CSPP1: variants seen among roughly 807,000 people sequenced by gnomAD.
The protein encoded by CSPP1 is centrosome and spindle pole-associated protein 1.
Under a neutral mutation model 164.4 loss-of-function variants are expected in CSPP1, and 126 were observed. The ratio of observed to expected loss-of-function variants is 0.77; its 90% CI spans 0.66 to 0.89. CSPP1 has a LOEUF of 0.89. Ranked by LOEUF, CSPP1 falls within the 40% of genes least tolerant of loss-of-function variation. The pLI, the probability that CSPP1 is intolerant of heterozygous loss-of-function variation, is 0.00. For missense variants in CSPP1, 1,395 were observed against 1,449.8 expected (o/e 0.96, Z 0.61); for synonymous variants, 472 against 476.7 (o/e 0.99, Z 0.13).
chr8:67,181,644 T>A lies in CSPP1; in HGVS notation c.3220+1718T>A, dbSNP rs200258954. Among the ~76,000 whole-genome samples the A allele has an allele frequency of 4.5e-4, 68 of 152,306 alleles. 1 individual carries two copies. In the East Asian group the frequency reaches 0.012, roughly 28 times the overall value. On this transcript the variant is annotated intron_variant, in intron 28 of 30. Transcript: ENST00000678616. The stretch of plus-strand genomic sequence containing the variant: ...ATGTAAAGCTGATGGTTTCAGTGCA[T>A]TATTTTAAAAAATAGGGTTTTTAAA...
At position 67,113,278 on chromosome 8, in the gene CSPP1, G is replaced by A. The variant is rs1052239834; in HGVS notation, c.1188-527G>A. On this transcript the variant is annotated intron_variant, in intron 10 of 30. Transcript: ENST00000678616. Reference sequence around the variant, plus strand: ...ACAAAAACAACAACAACAAAATTAGGAATAGAGATCTCGTTTTGAGAGAAT... The same window carrying A: ...ACAAAAACAACAACAACAAAATTAGAAATAGAGATCTCGTTTTGAGAGAAT... Among the ~76,000 whole-genome samples, 6 of 151,906 alleles carry A rather than the reference G, an allele frequency of 3.9e-5. 1 individual carries two copies. In the South Asian group the frequency reaches 1.0e-3, roughly 26 times the overall value.
chr8:67,115,261 AC>A (rs1817695621), intron 12 of CSPP1: 1 of 152,252 alleles, frequency 6.6e-6, no homozygotes, highest in Non-Finnish European at 1.5e-5. Context: ...AAAGAATACT[AC>A]AGGTATATTT....
intron 15 of CSPP1, among the ~76,000 whole-genome samples, chr8:67,121,025 T>C (rs1468854535): frequency 2.6e-5 from 4 of 152,164 alleles, no homozygotes; most frequent in African/African-American, 9.6e-5. Flanking sequence ...GGCTAAGTTT[T>C]TGTATCTTTA....
At chr8:67,065,633 TTTTG>T (rs1192961761) in intron 1 of CSPP1, 14 of 430,292 alleles carry the variant, frequency 3.3e-5, no homozygotes, top group African/African-American at 1.3e-4. Context: ...GATCAAGTTT[TTTTG>T]TTTGTTTGTT....
intron 17 of CSPP1, among the ~76,000 whole-genome samples, chr8:67,140,221 TTTA>T (rs1341864565): frequency 6.6e-6 from 1 of 152,008 alleles, no homozygotes; most frequent in Non-Finnish European, 1.5e-5. Context: ...GTAACTGGGA[TTTA>T]TAGGCATGCA....
At chr8:67,181,391 A>C (rs1416279414) in intron 28 of CSPP1, among the ~76,000 whole-genome samples, 2 of 140,684 alleles carry the variant, frequency 1.4e-5, no homozygotes, top group Non-Finnish European at 1.5e-5. Context: ...AGGAAGATGC[A>C]CTGCGGAGAG....
chr8:67,078,236 A>G (rs1808362987), intron 3 of CSPP1, among the ~76,000 whole-genome samples: 1 of 152,134 alleles, frequency 6.6e-6, no homozygotes, highest in Admixed American at 6.6e-5. Flanking sequence ...TTGTTTCCTT[A>G]TCTTATGACA....
At chr8:67,159,961 CTTTTCTTTTCTTTTCTT>C (rs1421369815) in intron 21 of CSPP1, among the ~76,000 whole-genome samples, 8 of 29,256 alleles carry the variant, frequency 2.7e-4, no homozygotes, top group South Asian at 1.4e-3. Flanking sequence ...TTCCTTCTTT[CTTTTCTTTTCTTTTCTT>C]TTCTTTTCTT....
At chr8:67,191,513 G>T (rs764304936) in intron 29 of CSPP1, among the ~76,000 whole-genome samples, 1 of 152,128 alleles carries the variant, frequency 6.6e-6, no homozygotes, top group African/African-American at 2.4e-5. Flanking sequence ...TGGACATTTC[G>T]TATAAATGAG....
intron 5 of CSPP1, among the ~76,000 whole-genome samples, chr8:67,092,548 C>T (rs973974132): frequency 3.3e-5 from 5 of 152,194 alleles, no homozygotes; most frequent in Admixed American, 6.5e-5. Context: ...AGCGATTCTC[C>T]TGCATCAGCC....
At chr8:67,192,853 C>T (rs1484346953) in intron 29 of CSPP1, among the ~76,000 whole-genome samples, 3 of 152,198 alleles carry the variant, frequency 2.0e-5, no homozygotes, top group African/African-American at 7.2e-5. Context: ...ATCTACATGT[C>T]TTTTCTTATG....
At position 67,137,550 on chromosome 8, in the gene CSPP1, G is replaced by T. The variant is rs752708929; in HGVS notation, c.1922G>T (p.Trp641Leu). The T allele has an allele frequency of 2.5e-6, 4 of 1,595,088 alleles. No homozygotes were observed. The highest frequency in any genetic ancestry group is 3.4e-6 in the Non-Finnish European group (4 of 1,170,392). Residue 641 changes from tryptophan to leucine, a missense_variant, in exon 17 of 31, where the codon TGG becomes TTG. Coordinates refer to ENST00000678616, the MANE Select transcript of CSPP1 (RefSeq NM_001382391.1). ...GCTGAAATGAGAACATATAATCCCTGGGGAAAAGGTGGAGGTGGTGCTCCT... is the reference window on the plus strand; with the variant it reads ...GCTGAAATGAGAACATATAATCCCTTGGGAAAAGGTGGAGGTGGTGCTCCT... ...LEAEMRTYNPWGKGGGGAPLR... is the reference protein window; with the variant it reads ...LEAEMRTYNPLGKGGGGAPLR...
rs201929318 is a variant in CSPP1, at chr8:67,071,871, CACTT to C, written c.-10-2369_-10-2366del. On this transcript the variant is annotated intron_variant, in intron 1 of 30. Transcript: ENST00000678616. ...CATATGCAAAAAAGTTGAGCCTTGA[CACTT>C]ACAGATTTGCAAAAATTAACTTTGA... Among the ~76,000 whole-genome samples, 1,134 of 152,276 alleles carry C rather than the reference CACTT, an allele frequency of 7.4e-3. 45 individuals carry two copies. Among genetic ancestry groups the C allele is most frequent in the East Asian group, 8.1e-3 (42 of 5,192 alleles).
chr8:67,121,196 G>C (rs1266571217), intron 15 of CSPP1, among the ~76,000 whole-genome samples: 1 of 152,088 alleles, frequency 6.6e-6, no homozygotes, highest in East Asian at 1.9e-4. Context: ...ACCCTGACTA[G>C]AGCTTCCAGT....
rs551186036 is a variant in CSPP1, at chr8:67,137,683, G to C, written c.1975+80G>C. The C allele has an allele frequency of 8.0e-5, 75 of 934,300 alleles. No individual in the cohort carries two copies. The African/African-American group carries it at 1.0e-3, about 13-fold the overall frequency. The allele number at this position is 934,300 out of a possible 1,614,324, so 57.9% of individuals were successfully genotyped here. ...TTAAAAGATTGGGGAGTAGAAAAAA[G>C]TAGGAATCATAGCCTCTATAGCAAC... On this transcript the variant is annotated intron_variant, in intron 17 of 30. Transcript: ENST00000678616.
chr8:67,192,615 T>C (rs1033972135), intron 29 of CSPP1, among the ~76,000 whole-genome samples: 1 of 152,194 alleles, frequency 6.6e-6, no homozygotes, highest in Non-Finnish European at 1.5e-5. Flanking sequence ...AACCACAAGA[T>C]CATGAAGATT....
At chr8:67,186,417 TTAAA>T (rs1834594637) in intron 28 of CSPP1, among the ~76,000 whole-genome samples, 1 of 78,474 alleles carries the variant, frequency 1.3e-5, no homozygotes, top group Non-Finnish European at 2.2e-5. Context: ...CTGTTTTAAA[TTAAA>T]AAAAAAAAAA....
At chr8:67,163,907 G>A (rs768237749) in intron 23 of CSPP1, 109 bp downstream of exon 23, 8 of 810,242 alleles carry the variant, frequency 9.9e-6, no homozygotes, top group South Asian at 9.0e-5. Flanking sequence ...AGAGCGGTTA[G>A]GTGCTGTGTA....
chr8:67,176,307 C>T (rs1831615787), intron 26 of CSPP1, among the ~76,000 whole-genome samples: 2 of 152,090 alleles, frequency 1.3e-5, no homozygotes, highest in African/African-American at 4.8e-5. Flanking sequence ...AAAGTTAAGA[C>T]CCTATCTTGG....
Sources: gnomAD v4.1 joint callset for allele counts (sites outside exome capture counted in the v4.1 genomes callset) on GRCh38, gnomAD v4.1.1 for gene constraint, MANE v1.5 for transcripts, NCBI Gene and HGNC (gene_info 2026-07-23, HGNC 2026-07-21) for gene names.